Variants in SH3RF2 observed in about 807,000 individuals in gnomAD.
SH3RF2 encodes the protein E3 ubiquitin-protein ligase SH3RF2.
Under a neutral mutation model 59.0 loss-of-function variants are expected in SH3RF2, and 43 were observed. The ratio of observed to expected loss-of-function variants is 0.73; its 90% CI spans 0.57 to 0.94. The LOEUF (loss-of-function observed/expected upper bound fraction) is 0.94, where lower values mean the gene tolerates loss of function less well. Among genes scored for constraint, SH3RF2 ranks in the 40% least tolerant of loss-of-function variants. The probability of loss-of-function intolerance (pLI) is 0.00; values close to 1 mark genes in which losing one functional copy is unlikely to be tolerated. For missense variants in SH3RF2, 930 were observed against 940.1 expected, an observed-to-expected ratio of 0.99 and a Z score of 0.14; for synonymous variants, 391 against 391.5, an observed-to-expected ratio of 1.00 and a Z score of 0.01.
chr5:145,969,924 T>C (rs1759009871), intron 2 of SH3RF2, among the ~76,000 whole-genome samples: 1 of 152,014 alleles, frequency 6.6e-6, no homozygotes, highest in Non-Finnish European at 1.5e-5. Flanking sequence ...ATGAGTACAT[T>C]TTCCCTGGGC....
chr5:146,039,579 G>T (rs1443144387), intron 5 of SH3RF2, among the ~76,000 whole-genome samples: 1 of 152,088 alleles, frequency 6.6e-6, no homozygotes, highest in Non-Finnish European at 1.5e-5. Context: ...CAATCAGCAG[G>T]TATTAAAAAG....
intron 4 of SH3RF2, among the ~76,000 whole-genome samples, chr5:146,013,298 G>GA (rs1475968051): frequency 1.3e-5 from 2 of 152,132 alleles, no homozygotes; most frequent in African/African-American, 4.8e-5. Flanking sequence ...GTTTGGAGTG[G>GA]AAAAATACAA....
chr5:145,969,284 A>G (rs1405567155), intron 2 of SH3RF2, among the ~76,000 whole-genome samples: 1 of 152,220 alleles, frequency 6.6e-6, no homozygotes, highest in African/African-American at 2.4e-5. Flanking sequence ...TGAAACATTT[A>G]AAGAAAAAAA....
intron 3 of SH3RF2, among the ~76,000 whole-genome samples, chr5:146,002,511 AGG>A (rs1484821229): frequency 1.9e-4 from 28 of 150,960 alleles, no homozygotes; most frequent in African/African-American, 6.1e-4. Context: ...GAAGGAAGGA[AGG>A]AAGGAAGGAA....
At chr5:145,959,877 AG>A (rs961921184) in intron 2 of SH3RF2, among the ~76,000 whole-genome samples, 10 of 152,004 alleles carry the variant, frequency 6.6e-5, no homozygotes, top group Non-Finnish European at 1.2e-4. Context: ...CATCACACGG[AG>A]GTGGAGAGGA....
chr5:146,030,012 G>T (rs1236915378), intron 5 of SH3RF2, among the ~76,000 whole-genome samples: 1 of 152,202 alleles, frequency 6.6e-6, no homozygotes, highest in African/African-American at 2.4e-5. Context: ...AATATTGCAA[G>T]CACCAGTTTG....
intron 9 of SH3RF2, among the ~76,000 whole-genome samples, chr5:146,072,660 A>G (rs1266975029): frequency 7.2e-5 from 11 of 151,736 alleles, no homozygotes; most frequent in African/African-American, 2.7e-4. Flanking sequence ...ACAGAGTGAG[A>G]CTCCATCTTA....
intron 4 of SH3RF2, among the ~76,000 whole-genome samples, chr5:146,012,450 C>T (rs775364941): frequency 2.8e-4 from 43 of 152,270 alleles, no homozygotes; most frequent in Non-Finnish European, 2.9e-4. Flanking sequence ...ACCAGCTCCT[C>T]CTTGTACCTC....
chr5:145,976,060 C>T (rs1045274740), intron 2 of SH3RF2, among the ~76,000 whole-genome samples: 1 of 152,140 alleles, frequency 6.6e-6, no homozygotes, highest in Non-Finnish European at 1.5e-5. Context: ...TCTTTTGTAA[C>T]GAGGTGGGTT....
At chr5:146,006,247 A>T (rs915311992) in intron 4 of SH3RF2, among the ~76,000 whole-genome samples, 1 of 151,968 alleles carries the variant, frequency 6.6e-6, no homozygotes, top group Non-Finnish European at 1.5e-5. Context: ...ACATAGTGAG[A>T]CTCCCATCTC....
chr5:146,070,915 C>G (rs1763219304), intron 9 of SH3RF2, among the ~76,000 whole-genome samples: 1 of 152,178 alleles, frequency 6.6e-6, no homozygotes, highest in African/African-American at 2.4e-5. Context: ...TCTGCAGAGG[C>G]TGTTTTGTGC....
At chr5:145,959,852 G>A (rs761528697) in intron 2 of SH3RF2, among the ~76,000 whole-genome samples, 32 of 151,940 alleles carry the variant, frequency 2.1e-4, no homozygotes, top group Admixed American at 3.9e-4. Context: ...GTCAACCTGC[G>A]TTAGCCTCCA....
chr5:146,062,732 G>A lies in SH3RF2; in HGVS notation c.*31G>A. On this transcript the variant is annotated 3_prime_UTR_variant, in exon 10 of 10. Transcript: ENST00000359120. ...CGGGTGGCTTTTCCTAGACCCCAAA[G>A]AGGTGAATTGCATTTAAATACAGTC... 6.3e-7 allele frequency: 1 copy of A among 1,593,356 alleles called. No individual in the cohort carries two copies. The highest frequency in any genetic ancestry group is 1.3e-5 in the African/African-American group (1 of 74,628).
At chr5:145,997,452 G>A in intron 2 of SH3RF2, 2 of 1,504,802 alleles carry the variant, frequency 1.3e-6, no homozygotes, top group African/African-American at 1.4e-5. Flanking sequence ...GGATGTTTAT[G>A]TCTTTGTGAA....
intron 9 of SH3RF2, among the ~76,000 whole-genome samples, chr5:146,070,486 G>T (rs529359729): frequency 6.6e-6 from 1 of 152,214 alleles, no homozygotes; most frequent in Non-Finnish European, 1.5e-5. Context: ...ACACAGCCAA[G>T]CCACTTGAAA....
chr5:146,039,224 C>T (rs1350497228), intron 5 of SH3RF2, among the ~76,000 whole-genome samples: 1 of 151,940 alleles, frequency 6.6e-6, no homozygotes, highest in Non-Finnish European at 1.5e-5. Context: ...ATCCTTATGA[C>T]CTTGGGAGGA....
chr5:145,962,408 C>CA (rs1338444208), intron 2 of SH3RF2, among the ~76,000 whole-genome samples: 1 of 152,224 alleles, frequency 6.6e-6, no homozygotes, highest in Non-Finnish European at 1.5e-5. Flanking sequence ...AACCAAAATT[C>CA]AAAGTACTTC....
chr5:145,940,923 T>C (rs1295935149), intron 2 of SH3RF2, among the ~76,000 whole-genome samples: 1 of 152,176 alleles, frequency 6.6e-6, no homozygotes, highest in African/African-American at 2.4e-5. Context: ...TATTGTGCCC[T>C]GCCACACATG....
intron 2 of SH3RF2, among the ~76,000 whole-genome samples, chr5:145,944,030 C>A (rs1180631621): frequency 3.3e-5 from 5 of 152,166 alleles, no homozygotes; most frequent in Non-Finnish European, 7.3e-5. Flanking sequence ...TCATCTGGCC[C>A]ATTGCCAGCA....
Sources: allele counts gnomAD v4.1 joint callset (sites outside exome capture counted in the v4.1 genomes callset), GRCh38; gene constraint gnomAD v4.1.1; transcripts MANE v1.5; gene names NCBI Gene and HGNC (gene_info 2026-07-23, HGNC 2026-07-21).